SPEF2: variants seen among roughly 807,000 people sequenced by gnomAD.
The protein encoded by SPEF2 is sperm flagella and cilia-associated protein 2.
In SPEF2, 187 loss-of-function variants were observed where a neutral mutation model predicts 224.6. The observed-to-expected ratio is 0.83, with a 90% CI of 0.74 to 0.94. SPEF2 has a LOEUF of 0.94. Ranked by LOEUF, SPEF2 falls within the 40% of genes least tolerant of loss-of-function variation. SPEF2 has a pLI of 0.00. For synonymous variants in SPEF2, 715 were observed against 707.3 expected, an observed-to-expected ratio of 1.01 and a Z score of -0.17; for missense variants, 2,170 against 2,135.6, an observed-to-expected ratio of 1.02 and a Z score of -0.32.
At chr5:35,626,269 G>T (rs1744238778) in intron 1 of SPEF2, among the ~76,000 whole-genome samples, 3 of 152,118 alleles carry the variant, frequency 2.0e-5, no homozygotes, top group Non-Finnish European at 4.4e-5. Context: ...TGATAGGAAG[G>T]GCATCAAACC....
intron 30 of SPEF2, chr5:35,788,710 C>T (rs988404662): frequency 2.7e-5 from 19 of 702,854 alleles, no homozygotes; most frequent in Non-Finnish European, 4.2e-5. Flanking sequence ...GAGAGAACAA[C>T]GAGGTGGCCC....
chr5:35,655,339 T>C (rs1482542217), intron 7 of SPEF2, among the ~76,000 whole-genome samples: 1 of 152,180 alleles, frequency 6.6e-6, no homozygotes, highest in African/African-American at 2.4e-5. Context: ...TTTCTTACAT[T>C]GAACACATAT....
rs566417307 is a variant in SPEF2, at chr5:35,656,760, T to C, written c.978+2034T>C. Among the ~76,000 whole-genome samples the C allele has an allele frequency of 1.2e-4, 18 of 152,362 alleles. No homozygotes were observed. In the South Asian group the frequency reaches 3.5e-3, roughly 30 times the overall value. Reference sequence around the variant, plus strand: ...TAGAGTTGGAGGTATATTTACCAGTTTGGAAATCCAGCAACCTAAGGGGCC... The same window carrying C: ...TAGAGTTGGAGGTATATTTACCAGTCTGGAAATCCAGCAACCTAAGGGGCC... On this transcript the variant is annotated intron_variant, in intron 7 of 36. Coordinates refer to ENST00000356031, the MANE Select transcript of SPEF2 (RefSeq NM_024867.4).
At chr5:35,722,326 C>T (rs1743839551) in intron 20 of SPEF2, among the ~76,000 whole-genome samples, 1 of 151,908 alleles carries the variant, frequency 6.6e-6, no homozygotes, top group Non-Finnish European at 1.5e-5. Flanking sequence ...GGAGCTGATG[C>T]TCACCCATCT....
At chr5:35,750,573 G>A (rs13175008) in intron 23 of SPEF2, among the ~76,000 whole-genome samples, 1 of 151,834 alleles carries the variant, frequency 6.6e-6, no homozygotes, top group African/African-American at 2.4e-5. Context: ...TATACAAATG[G>A]GCAACAAACA....
chr5:35,754,572 A>T (rs1185242045), intron 24 of SPEF2, among the ~76,000 whole-genome samples: 1 of 152,210 alleles, frequency 6.6e-6, no homozygotes, highest in Non-Finnish European at 1.5e-5. Flanking sequence ...TTCCTTGATG[A>T]TTAATTATAT....
intron 25 of SPEF2, among the ~76,000 whole-genome samples, chr5:35,762,174 A>C (rs1751379977): frequency 6.6e-6 from 1 of 152,206 alleles, no homozygotes; most frequent in Non-Finnish European, 1.5e-5. Context: ...ACTGAACCTC[A>C]TAAAGTCAAA....
At position 35,800,003 on chromosome 5, in the gene SPEF2, T is replaced by C; in HGVS notation, c.4866T>C (p.Asp1622=). Residue 1622 remains aspartate, a synonymous_variant, in exon 34 of 37, where the codon GAT becomes GAC. Transcript: ENST00000356031. ...FFRLFADYEK[D]PPQLDYTQML... ...GGCTATTTGCTGACTATGAGAAGGA[T>C]CCACCCCAGCTTGACTACACACAGA... 10 of 1,614,080 alleles carry C rather than the reference T, an allele frequency of 6.2e-6. No individual in the cohort carries two copies. Among genetic ancestry groups the C allele is most frequent in the Non-Finnish European group, 7.6e-6 (9 of 1,180,008 alleles).
intron 20 of SPEF2, among the ~76,000 whole-genome samples, chr5:35,713,461 C>T (rs564102850): frequency 1.1e-4 from 17 of 151,910 alleles, no homozygotes; most frequent in African/African-American, 3.4e-4. Flanking sequence ...TGGAGCTGGG[C>T]GCAGTGGCTC....
At chr5:35,698,697 T>G (rs1487927749) in intron 15 of SPEF2, 3 of 152,284 alleles carry the variant, frequency 2.0e-5, no homozygotes, top group Non-Finnish European at 4.4e-5. Context: ...TGATCCAGTC[T>G]AAATCTATCG....
At position 35,779,144 on chromosome 5, in the gene SPEF2, C is replaced by G. The variant is rs777485711; in HGVS notation, c.4245C>G (p.Arg1415=). The part of the protein sequence containing the change: ...ASTEKLTDVA[R]YHIETSTKIQ... ...CAGAAAAATTAACTGACGTAGCTCG[C>G]TATCACATTGAAACATCTACAAAAA... is the stretch of plus-strand genomic sequence containing the variant. Residue 1415 remains arginine, a synonymous_variant, in exon 30 of 37, where the codon CGC becomes CGG. Coordinates refer to ENST00000356031, the MANE Select transcript of SPEF2 (RefSeq NM_024867.4). The G allele has an allele frequency of 6.2e-7, 1 of 1,613,530 alleles. No homozygotes were observed. The highest frequency in any genetic ancestry group is 1.7e-5 in the Admixed American group (1 of 59,958).
chr5:35,745,331 G>A (rs974936097), intron 23 of SPEF2, among the ~76,000 whole-genome samples: 8 of 152,096 alleles, frequency 5.3e-5, no homozygotes, highest in Admixed American at 1.3e-4. Flanking sequence ...GCCAGAGCTC[G>A]GGGGAGGGTG....
At chr5:35,732,710 C>T (rs1276485747) in intron 21 of SPEF2, among the ~76,000 whole-genome samples, 1 of 152,158 alleles carries the variant, frequency 6.6e-6, no homozygotes, top group Non-Finnish European at 1.5e-5. Flanking sequence ...AACATGAAAG[C>T]AAGCAAGCTG....
intron 19 of SPEF2, chr5:35,709,824 T>C (rs1740739902): frequency 1.0e-6 from 1 of 985,284 alleles, no homozygotes; most frequent in Non-Finnish European, 1.2e-6. Flanking sequence ...CAGTATCCAT[T>C]TGTGTGTGTA....
intron 10 of SPEF2, 160 bp downstream of exon 10, chr5:35,670,387 A>T: frequency 1.5e-6 from 2 of 1,371,804 alleles, no homozygotes; most frequent in Middle Eastern, 2.7e-4. Flanking sequence ...TACTTTTTAG[A>T]TGCTTAAACT....
intron 29 of SPEF2, among the ~76,000 whole-genome samples, chr5:35,777,761 A>C (rs1386486026): frequency 6.6e-6 from 1 of 152,018 alleles, no homozygotes; most frequent in East Asian, 1.9e-4. Flanking sequence ...TTTTCCTGGC[A>C]CTTTTTTCCT....
In SPEF2 at chr5:35,740,830, C is replaced by G. The variant is rs1341431391; in HGVS notation, c.3330+563C>G. ...TTACCCTGATGCTTTAGAAAGGGGC[C>G]TCTGATGTACAAAAAGCCTGATTTC... On this transcript the variant is annotated intron_variant, in intron 23 of 36. Coordinates refer to ENST00000356031, the MANE Select transcript of SPEF2 (RefSeq NM_024867.4). 2.0e-5 allele frequency among the ~76,000 whole-genome samples: 3 copies of G among 152,236 alleles called. No individual in the cohort carries two copies. The East Asian group carries it at 5.8e-4, about 29-fold the overall frequency.
intron 23 of SPEF2, among the ~76,000 whole-genome samples, chr5:35,748,793 G>A (rs1748957284): frequency 6.6e-6 from 1 of 151,876 alleles, no homozygotes; most frequent in Admixed American, 6.6e-5. Flanking sequence ...ACAATGTAGA[G>A]AAAGCATTAC....
chr5:35,732,876 CT>C (rs1002464637), intron 21 of SPEF2, among the ~76,000 whole-genome samples: 1 of 152,068 alleles, frequency 6.6e-6, no homozygotes, highest in Non-Finnish European at 1.5e-5. Flanking sequence ...AATCACATAA[CT>C]TTTTTTACAG....
Sources: allele counts gnomAD v4.1 joint callset (sites outside exome capture counted in the v4.1 genomes callset), GRCh38; gene constraint gnomAD v4.1.1; transcripts MANE v1.5; gene names NCBI Gene and HGNC (gene_info 2026-07-23, HGNC 2026-07-21).